CFI: variants seen among roughly 807,000 people sequenced by gnomAD.
The protein encoded by CFI is C3B/C4B inactivator.
A neutral mutation model predicts 78.8 loss-of-function variants in CFI; 66 were observed. That is an observed-to-expected ratio of 0.84 (90% CI 0.69 to 1.03). The LOEUF is 1.03. Ranked by LOEUF, CFI falls within the 50% of genes least tolerant of loss-of-function variation. CFI has a pLI of 0.00. For missense variants in CFI, 706 were observed against 704.5 expected (o/e 1.00, Z -0.02); for synonymous variants, 250 against 232.6 (o/e 1.07, Z -0.68).
chr4:109,760,755 A>C, intron 4 of CFI, 119 bp from the exon 5 acceptor site: 1 of 712,910 alleles, frequency 1.4e-6, no homozygotes, highest in Non-Finnish European at 2.6e-6. Context: ...AAAATGTATA[A>C]AACGTATTGG....
intron 1 of CFI, among the ~76,000 whole-genome samples, chr4:109,778,993 A>G (rs1729644070): frequency 6.6e-6 from 1 of 152,194 alleles, no homozygotes; most frequent in African/African-American, 2.4e-5. Flanking sequence ...CAAAATAATA[A>G]GAGCTATTTA....
intron 1 of CFI, among the ~76,000 whole-genome samples, chr4:109,774,858 T>C (rs1030461262): frequency 2.6e-5 from 4 of 152,176 alleles, no homozygotes; most frequent in African/African-American, 9.7e-5. Context: ...AGTTTGTTCT[T>C]ATTTCTCTAG....
intron 1 of CFI, among the ~76,000 whole-genome samples, chr4:109,775,775 C>T (rs62324926): frequency 1.8e-4 from 27 of 152,198 alleles, no homozygotes; most frequent in East Asian, 3.9e-4. Context: ...CTCATACAGC[C>T]GAGTGCCCCT....
chr4:109,757,710 C>G, intron 7 of CFI, 53 bp downstream of exon 7: 1 of 1,164,666 alleles, frequency 8.6e-7, no homozygotes, highest in Non-Finnish European at 1.3e-6. Flanking sequence ...GACCAAAGAA[C>G]CTGAGTTTTG....
chr4:109,752,580 ACT>A, intron 7 of CFI, 77 bp from the exon 8 acceptor site: 1 of 1,249,448 alleles, frequency 8.0e-7, no homozygotes, highest in South Asian at 1.2e-5. Flanking sequence ...TCATTTAAAC[ACT>A]GATTATAATT....
chr4:109,777,538 C>A (rs1392969558), intron 1 of CFI, among the ~76,000 whole-genome samples: 2 of 147,382 alleles, frequency 1.4e-5, no homozygotes, highest in Non-Finnish European at 3.0e-5. Context: ...TAATGGGAGA[C>A]TTTAACACCC....
At chr4:109,758,048 A>G in intron 6 of CFI, 1 of 977,784 alleles carries the variant, frequency 1.0e-6, no homozygotes, top group Non-Finnish European at 1.4e-6. Context: ...TCAGACTAGT[A>G]CAACTTAATA....
chr4:109,795,692 G>A (rs975580996), intron 1 of CFI, among the ~76,000 whole-genome samples: 1 of 152,110 alleles, frequency 6.6e-6, no homozygotes, highest in Non-Finnish European at 1.5e-5. Flanking sequence ...AGAAATTTTG[G>A]AGGTGAAAAT....
At chr4:109,780,739 A>C (rs942128474) in intron 1 of CFI, among the ~76,000 whole-genome samples, 32 of 152,236 alleles carry the variant, frequency 2.1e-4, no homozygotes, top group Non-Finnish European at 1.0e-4. Context: ...AAAGACTTGG[A>C]ATCAACCCAA....
chr4:109,789,327 G>A (rs1731096902), intron 1 of CFI, among the ~76,000 whole-genome samples: 1 of 151,698 alleles, frequency 6.6e-6, no homozygotes, highest in Non-Finnish European at 1.5e-5. Context: ...GAACAAATGA[G>A]GAATGAACCC....
intron 7 of CFI, among the ~76,000 whole-genome samples, chr4:109,756,536 A>G (rs1446343545): frequency 6.6e-6 from 1 of 152,092 alleles, no homozygotes; most frequent in African/African-American, 2.4e-5. Flanking sequence ...CATTTAGAGC[A>G]AAGGGTGGTC....
rs1210626952 is a variant in CFI, at chr4:109,746,380, C to T, written c.1271G>A (p.Gly424Asp). The change falls in exon 11 of 13, where the codon GGC (glycine) becomes GAC (aspartate). Residue 424 changes from glycine (G) to aspartate (D), a missense_variant. Transcript: ENST00000394634. Reference protein sequence around the residue: ...RIIFHENYNAGTYQNDIALIE... With the variant: ...RIIFHENYNADTYQNDIALIE... Reference sequence around the variant, plus strand: ...CAAAGCGATGTCATTTTGGTAAGTGCCTGCATTGTAGTTTTCATGGAAAAT... The same window carrying T: ...CAAAGCGATGTCATTTTGGTAAGTGTCTGCATTGTAGTTTTCATGGAAAAT... 9 of 1,613,918 alleles carry T rather than the reference C, an allele frequency of 5.6e-6. No homozygotes were observed. The highest frequency in any genetic ancestry group is 6.8e-6 in the Non-Finnish European group (8 of 1,180,014).
At chr4:109,742,316 G>A in intron 12 of CFI, 175 bp downstream of exon 12, 1 of 631,152 alleles carries the variant, frequency 1.6e-6, no homozygotes, top group South Asian at 1.8e-5. Context: ...CATAGTATTA[G>A]AGGAAGAAAC....
At chr4:109,773,756 G>C (rs544294593) in intron 1 of CFI, among the ~76,000 whole-genome samples, 26 of 152,290 alleles carry the variant, frequency 1.7e-4, no homozygotes, top group African/African-American at 6.3e-4. Flanking sequence ...TCAAACACAT[G>C]GATCAGGTAT....
chr4:109,743,454 T>C (rs1724048126), intron 11 of CFI, among the ~76,000 whole-genome samples: 1 of 152,196 alleles, frequency 6.6e-6, no homozygotes, highest in Non-Finnish European at 1.5e-5. Flanking sequence ...TACTAGACTT[T>C]AAGGTGGTCA....
chr4:109,755,292 C>T (rs1212054330), intron 7 of CFI, among the ~76,000 whole-genome samples: 3 of 152,160 alleles, frequency 2.0e-5, no homozygotes, highest in Middle Eastern at 6.8e-3. Flanking sequence ...GAAGAAAACC[C>T]GCAGGCATTA....
chr4:109,742,720 G>A, intron 11 of CFI, 125 bp from the exon 12 acceptor site: 1 of 672,650 alleles, frequency 1.5e-6, no homozygotes, highest in Non-Finnish European at 2.6e-6. Flanking sequence ...AAATTTTTGA[G>A]AACTCTTCCT....
chr4:109,787,393 T>A (rs1220829963), intron 1 of CFI, among the ~76,000 whole-genome samples: 2 of 152,006 alleles, frequency 1.3e-5, no homozygotes, highest in Non-Finnish European at 2.9e-5. Context: ...TTTCTTCCAC[T>A]TTTTTCTCTC....
At position 109,751,438 on chromosome 4, in the gene CFI, C is replaced by CTTT. The variant is rs66497003; in HGVS notation, c.940+1027_940+1029dup. Among the ~76,000 whole-genome samples, 370 of 100,296 alleles carry CTTT rather than the reference C, an allele frequency of 3.7e-3. 3 individuals are homozygous for CTTT. Among genetic ancestry groups the CTTT allele is most frequent in the Middle Eastern group, 7.1e-3 (1 of 140 alleles). The allele number at this position is 100,296 out of a possible 152,430, so 65.8% of individuals were successfully genotyped here. A position where few individuals can be genotyped will look rare whatever the true frequency, so the allele number is the denominator to read the frequency against. Reference sequence around the variant, plus strand: ...ACATCTATAGCTTCGAGAGCTAAATCTTTTTTTTTTTTTTTTTTTTTGAGA... The same window carrying CTTT: ...ACATCTATAGCTTCGAGAGCTAAATCTTTTTTTTTTTTTTTTTTTTTTTTGAGA... On this transcript the variant is annotated intron_variant, in intron 8 of 12. Coordinates refer to ENST00000394634, the MANE Select transcript of CFI (RefSeq NM_000204.5).
Sources: gnomAD v4.1 joint callset for allele counts (sites outside exome capture counted in the v4.1 genomes callset) on GRCh38, gnomAD v4.1.1 for gene constraint, MANE v1.5 for transcripts, NCBI Gene and HGNC (gene_info 2026-07-23, HGNC 2026-07-21) for gene names.